Variants in BMPR1B observed in about 807,000 individuals in gnomAD.
The protein encoded by BMPR1B is bone morphogenetic protein receptor type-1B.
BMPR1B carries 12 observed loss-of-function variants against 59.1 expected under a neutral mutation model. That is an observed-to-expected ratio of 0.20 (90% CI 0.13 to 0.33). The LOEUF (loss-of-function observed/expected upper bound fraction) is 0.33. BMPR1B is among the 10% of genes least tolerant of loss of function. The pLI, the probability that BMPR1B is intolerant of heterozygous loss-of-function variation, is 1.00. For synonymous variants in BMPR1B, 237 were observed against 207.3 expected, an observed-to-expected ratio of 1.14 and a Z score of -1.23; for missense variants, 550 against 610.9, an observed-to-expected ratio of 0.90 and a Z score of 1.05.
At chr4:95,146,434 A>G (rs1318516625) in intron 10 of BMPR1B, among the ~76,000 whole-genome samples, 2 of 152,228 alleles carry the variant, frequency 1.3e-5, no homozygotes, top group Non-Finnish European at 2.9e-5. Flanking sequence ...AGATATCTCT[A>G]CATCACACAT....
At chr4:94,948,130 T>C (rs1729788780) in intron 2 of BMPR1B, among the ~76,000 whole-genome samples, 1 of 152,216 alleles carries the variant, frequency 6.6e-6, no homozygotes, top group Non-Finnish European at 1.5e-5. Flanking sequence ...ACTCCAAACC[T>C]CTGTCCTTAG....
At chr4:94,883,891 A>G (rs1727073372) in intron 2 of BMPR1B, among the ~76,000 whole-genome samples, 1 of 152,188 alleles carries the variant, frequency 6.6e-6, no homozygotes, top group African/African-American at 2.4e-5. Context: ...TTTGGCACTT[A>G]GTAATTGTGT....
intron 8 of BMPR1B, among the ~76,000 whole-genome samples, chr4:95,128,622 C>T (rs1733075438): frequency 6.6e-6 from 1 of 152,144 alleles, no homozygotes; most frequent in African/African-American, 2.4e-5. Flanking sequence ...TCTCTTAGAG[C>T]TTGGTAAATA....
chr4:94,804,590 CTTTTTTT>C (rs5860375), intron 1 of BMPR1B, among the ~76,000 whole-genome samples: 3 of 121,536 alleles, frequency 2.5e-5, no homozygotes, highest in East Asian at 4.7e-4. Context: ...CTTTGTAATA[CTTTTTTT>C]TTTTTTTTTT....
At chr4:95,024,334 T>C (rs1035403648) in intron 3 of BMPR1B, among the ~76,000 whole-genome samples, 5 of 152,224 alleles carry the variant, frequency 3.3e-5, no homozygotes, top group Non-Finnish European at 5.9e-5. Context: ...GGTTAAAATT[T>C]CAGCTGCCAG....
intron 1 of BMPR1B, among the ~76,000 whole-genome samples, chr4:94,770,345 T>C (rs1480834963): frequency 6.6e-6 from 1 of 152,092 alleles, no homozygotes; most frequent in African/African-American, 2.4e-5. Context: ...TATTCTCTAG[T>C]GATGTCTGTG....
intron 3 of BMPR1B, among the ~76,000 whole-genome samples, chr4:95,054,072 C>T (rs897185696): frequency 6.6e-6 from 1 of 152,116 alleles, no homozygotes; most frequent in East Asian, 1.9e-4. Flanking sequence ...ATCTTACATC[C>T]ATATTTAAAA....
chr4:95,070,595 G>A (rs1728207225), intron 3 of BMPR1B, among the ~76,000 whole-genome samples: 1 of 152,102 alleles, frequency 6.6e-6, no homozygotes, highest in Non-Finnish European at 1.5e-5. Flanking sequence ...CTAGGGCTCA[G>A]GAAAGGATAC....
At chr4:95,142,584 T>A (rs1221139546) in intron 10 of BMPR1B, among the ~76,000 whole-genome samples, 1 of 152,112 alleles carries the variant, frequency 6.6e-6, no homozygotes, top group Non-Finnish European at 1.5e-5. Flanking sequence ...CTTCCTCTCT[T>A]TCCCTTTCCT....
At chr4:94,841,456 A>G (rs1376182484) in intron 1 of BMPR1B, among the ~76,000 whole-genome samples, 2 of 152,062 alleles carry the variant, frequency 1.3e-5, no homozygotes, top group Admixed American at 6.5e-5. Flanking sequence ...GTGGGATATA[A>G]TCTCGTGCTG....
chr4:95,055,350 G>A (rs1726839328), intron 3 of BMPR1B, among the ~76,000 whole-genome samples: 1 of 152,114 alleles, frequency 6.6e-6, no homozygotes, highest in Non-Finnish European at 1.5e-5. Context: ...ACATGGCTGT[G>A]AATAGGTAGT....
chr4:94,828,114 A>G (rs1300085428), intron 1 of BMPR1B, among the ~76,000 whole-genome samples: 1 of 152,228 alleles, frequency 6.6e-6, no homozygotes, highest in East Asian at 1.9e-4. Context: ...ATGTGAACAA[A>G]TAAAGGTGAA....
At chr4:95,081,107 GC>G (rs1326249999) in intron 3 of BMPR1B, among the ~76,000 whole-genome samples, 2 of 152,040 alleles carry the variant, frequency 1.3e-5, no homozygotes, top group Admixed American at 1.3e-4. Flanking sequence ...TTTATAAGGG[GC>G]TTTTCTGTCT....
intron 1 of BMPR1B, among the ~76,000 whole-genome samples, chr4:94,777,574 A>C (rs148049695): frequency 2.6e-4 from 40 of 152,340 alleles, no homozygotes; most frequent in African/African-American, 9.4e-4. Context: ...AGTCAATGGC[A>C]GAAGTGACCT....
chr4:95,071,632 T>TTGTGTGTG (rs71912877), intron 3 of BMPR1B, among the ~76,000 whole-genome samples: 2 of 118,220 alleles, frequency 1.7e-5, no homozygotes, highest in African/African-American at 7.0e-5. Context: ...ATATGTGTGT[T>TTGTGTGTG]TGTGTGTGTG....
At chr4:95,132,087 G>A (rs1394117799) in intron 10 of BMPR1B, among the ~76,000 whole-genome samples, 1 of 152,114 alleles carries the variant, frequency 6.6e-6, no homozygotes, top group Non-Finnish European at 1.5e-5. Context: ...CAGTAGGGAG[G>A]GGAGATGATA....
chr4:95,087,736 A>T (rs538466410), intron 3 of BMPR1B, among the ~76,000 whole-genome samples: 2 of 152,272 alleles, frequency 1.3e-5, no homozygotes, highest in East Asian at 1.9e-4. Flanking sequence ...TGTCTCAAAA[A>T]AAATAAATAA....
At chr4:94,934,682 A>G (rs1367420193) in intron 2 of BMPR1B, among the ~76,000 whole-genome samples, 1 of 152,068 alleles carries the variant, frequency 6.6e-6, no homozygotes, top group Non-Finnish European at 1.5e-5. Flanking sequence ...CAAAGTAGAG[A>G]AAATGCAACT....
intron 1 of BMPR1B, among the ~76,000 whole-genome samples, chr4:94,869,253 A>G (rs1239911029): frequency 6.6e-6 from 1 of 152,184 alleles, no homozygotes; most frequent in African/African-American, 2.4e-5. Flanking sequence ...TTTAGAATCT[A>G]GAATCATCAT....
Sources: gnomAD v4.1 joint callset for allele counts (sites outside exome capture counted in the v4.1 genomes callset) on GRCh38, gnomAD v4.1.1 for gene constraint, MANE v1.5 for transcripts, NCBI Gene and HGNC (gene_info 2026-07-23, HGNC 2026-07-21) for gene names.